Variants in PTPRC observed in about 807,000 individuals in gnomAD.
The protein encoded by PTPRC is receptor-type tyrosine-protein phosphatase C.
Under a neutral mutation model 155.9 loss-of-function variants are expected in PTPRC, and 44 were observed. The observed-to-expected ratio is 0.28, with a 90% CI of 0.22 to 0.36. The LOEUF (loss-of-function observed/expected upper bound fraction) is 0.36, where lower values mean the gene tolerates loss of function less well. Among genes scored for constraint, PTPRC ranks in the 10% least tolerant of loss-of-function variants. PTPRC has a pLI of 1.00. For missense variants in PTPRC, 1,401 were observed against 1,564.6 expected (o/e 0.90, Z 1.76); for synonymous variants, 525 against 533.1 (o/e 0.98, Z 0.21).
rs776554037 is a variant in PTPRC, at chr1:198,756,099, G to T, written c.3839G>T (p.Gly1280Val). 2 of 1,613,306 alleles carry T rather than the reference G, an allele frequency of 1.2e-6. No homozygotes were observed. The highest frequency in any genetic ancestry group is 1.3e-5 in the African/African-American group (1 of 74,862). Residue 1280 changes from glycine to valine, a missense_variant, in exon 33 of 33, where the codon GGT (glycine) becomes GTT (valine). By Grantham distance (109) the Gly-to-Val change is moderately radical. Transcript: ENST00000442510. ...KLPEAKEQAE[G>V]SEPTSGTEGP... Reference sequence around the variant, plus strand: ...CCTGAAGCAAAGGAACAGGCTGAAGGTTCTGAACCCACGAGTGGCACTGAG... The same window carrying T: ...CCTGAAGCAAAGGAACAGGCTGAAGTTTCTGAACCCACGAGTGGCACTGAG...
chr1:198,734,647 T>G (rs1020340397), intron 22 of PTPRC, among the ~76,000 whole-genome samples: 2 of 151,780 alleles, frequency 1.3e-5, no homozygotes, highest in Admixed American at 6.6e-5. Flanking sequence ...TGCTTCTGAT[T>G]AATTGCTAGA....
At chr1:198,694,103 GT>G in intron 3 of PTPRC, 1 of 1,547,132 alleles carries the variant, frequency 6.5e-7, no homozygotes, top group Non-Finnish European at 8.7e-7. Context: ...CCTTCAGTTG[GT>G]GGCCAAAGGC....
Position 198,752,371 on chromosome 1 carries a change from G to A in PTPRC, c.3330G>A (p.Lys1110=). ...GTGTCTTTGAACTGAGACATTCCAA[G>A]GTATGGAAACAATTTGGGGAGTATA... ...TLRVFELRHS[K]RKDSRTVYQY... is the part of the protein sequence containing the mutation. Residue 1110 remains lysine (K), a splice_region_variant and synonymous_variant, in exon 30 of 33, where the codon AAG becomes AAA. Transcript: ENST00000442510. 1 of 1,612,556 alleles carries A rather than the reference G, an allele frequency of 6.2e-7. No homozygotes were observed. The highest frequency in any genetic ancestry group is 8.5e-7 in the Non-Finnish European group (1 of 1,179,094).
chr1:198,754,707 G>A (rs192011600), intron 32 of PTPRC, among the ~76,000 whole-genome samples: 2 of 152,036 alleles, frequency 1.3e-5, no homozygotes, highest in East Asian at 1.9e-4. Context: ...CTCCTGTATC[G>A]ATTTGTGTTG....
chr1:198,718,184 C>T lies in PTPRC; in HGVS notation c.1541C>T (p.Pro514Leu), dbSNP rs1368901568. 1.9e-6 allele frequency: 3 copies of T among 1,613,552 alleles called. No individual in the cohort carries two copies. Among genetic ancestry groups the T allele is most frequent in the Admixed American group, 3.3e-5 (2 of 60,014 alleles). The change falls in exon 14 of 33, where the codon CCC becomes CTC. Residue 514 changes from proline to leucine, a missense_variant. Around this residue, in one of 3 missense-constraint regions of PTPRC, gnomAD observed 867 missense variants for 970.4 expected, o/e 0.89. Coordinates refer to ENST00000442510, the MANE Select transcript of PTPRC (RefSeq NM_002838.5). The stretch of plus-strand genomic sequence containing the variant: ...AGGCCTCCCAGGGACCGTAATGGCC[C>T]CCATGAACGTTACCATTTGGAAGTT... ...KCRPPRDRNG[P>L]HERYHLEVEA...
chr1:198,642,653 T>A (rs1021434536), intron 2 of PTPRC, among the ~76,000 whole-genome samples: 1 of 151,982 alleles, frequency 6.6e-6, no homozygotes, highest in Non-Finnish European at 1.5e-5. Context: ...TCCATTGCCA[T>A]CATCTTAATT....
At chr1:198,656,046 A>T (rs1312130383) in intron 2 of PTPRC, among the ~76,000 whole-genome samples, 5 of 152,114 alleles carry the variant, frequency 3.3e-5, no homozygotes, top group Admixed American at 6.6e-5. Context: ...CATAATTTTT[A>T]AAAAACTTAA....
At chr1:198,721,898 A>G (rs1653906281) in intron 14 of PTPRC, among the ~76,000 whole-genome samples, 1 of 151,220 alleles carries the variant, frequency 6.6e-6, no homozygotes, top group African/African-American at 2.4e-5. Flanking sequence ...TTTTCCCTGT[A>G]TATGTAAATT....
chr1:198,659,246 C>T (rs994755887), intron 2 of PTPRC, among the ~76,000 whole-genome samples: 1 of 152,100 alleles, frequency 6.6e-6, no homozygotes, highest in Non-Finnish European at 1.5e-5. Context: ...TTGTCTGTCA[C>T]CACTAGACAC....
chr1:198,729,242 T>TTTA, intron 17 of PTPRC, 71 bp downstream of exon 17: 1 of 1,410,714 alleles, frequency 7.1e-7, no homozygotes, highest in African/African-American at 1.5e-5. Context: ...TATTTATTTA[T>TTTA]TTATTTATAT....
chr1:198,755,850 T>TA (rs1310912748), intron 32 of PTPRC, 56 bp from the exon 33 acceptor site: 4 of 1,524,734 alleles, frequency 2.6e-6, no homozygotes, highest in Admixed American at 1.7e-5. Flanking sequence ...TCATCTGGCA[T>TA]AAAAATAATG....
At chr1:198,740,480 A>G (rs1402138485) in intron 23 of PTPRC, among the ~76,000 whole-genome samples, 2 of 151,764 alleles carry the variant, frequency 1.3e-5, no homozygotes, top group Non-Finnish European at 2.9e-5. Context: ...TACTTGGGAG[A>G]CTGAGGCAGT....
chr1:198,692,322 A>T lies in PTPRC; in HGVS notation c.74-25A>T, dbSNP rs759707392. 21 of 1,499,304 alleles carry T rather than the reference A, an allele frequency of 1.4e-5. 1 individual carries two copies. The Middle Eastern group carries it at 6.6e-4, about 47-fold the overall frequency. The allele number at this position is 1,499,304 out of a possible 1,614,324, so 92.9% of individuals were successfully genotyped here. A position where few individuals can be genotyped will look rare whatever the true frequency, so the allele number is the denominator to read the frequency against. ...TATGAATGAAATTTGAAATTTTCTA[A>T]GAGATTTTTGTTTCTTCTTTGCAGG... On this transcript the variant is annotated intron_variant, in intron 2 of 32. Coordinates refer to ENST00000442510, the MANE Select transcript of PTPRC (RefSeq NM_002838.5).
At chr1:198,678,543 A>G (rs1306846882) in intron 2 of PTPRC, among the ~76,000 whole-genome samples, 1 of 152,052 alleles carries the variant, frequency 6.6e-6, no homozygotes, top group Non-Finnish European at 1.5e-5. Flanking sequence ...CACTCTCCCT[A>G]ATGCTTTTTC....
intron 2 of PTPRC, among the ~76,000 whole-genome samples, chr1:198,675,773 G>A (rs1249656333): frequency 1.3e-5 from 2 of 152,110 alleles, no homozygotes; most frequent in African/African-American, 4.8e-5. Context: ...TAAAAGAAAG[G>A]CAAGCATCTT....
At chr1:198,700,263 G>A (rs1363498572) in intron 5 of PTPRC, 1 of 159,324 alleles carries the variant, frequency 6.3e-6, no homozygotes, top group East Asian at 1.8e-4. Flanking sequence ...TTCAAAATTA[G>A]TGTCCAAATC....
rs541481399 is a variant in PTPRC at position 198,697,652 on chromosome 1, G to A, written c.298+743G>A. ...GATTTACCATCAGTAGAGTGTTCAT[G>A]CTTTTCTGAAATAATGTGTTATGTT... On this transcript the variant is annotated intron_variant, in intron 4 of 32. Transcript: ENST00000442510. Among the ~76,000 whole-genome samples, 3 of 152,278 alleles carry A rather than the reference G, an allele frequency of 2.0e-5. No individual in the cohort carries two copies. In the East Asian group the frequency reaches 5.8e-4, roughly 29 times the overall value.
Position 198,732,360 on chromosome 1 carries a change from A to G in PTPRC, c.2035A>G (p.Asn679Asp). 2 of 1,612,514 alleles carry G rather than the reference A, an allele frequency of 1.2e-6. No homozygotes were observed. Among genetic ancestry groups the G allele is most frequent in the Non-Finnish European group, 8.5e-7 (1 of 1,179,002 alleles). Reference sequence around the variant, plus strand: ...GGAAGCTCGAAAGCCCTTTAACCAGAATAAAAACCGTTATGTTGACATTCT... The same window carrying G: ...GGAAGCTCGAAAGCCCTTTAACCAGGATAAAAACCGTTATGTTGACATTCT... ...IKEARKPFNQ[N>D]KNRYVDILPY... The change falls in exon 19 of 33, where the codon AAT becomes GAT. Residue 679 changes from asparagine to aspartate, a missense_variant. Asn to Asp is a conservative substitution (Grantham distance 23, BLOSUM62 1). Transcript: ENST00000442510.
chr1:198,754,325 C>A lies in PTPRC; in HGVS notation c.3566C>A (p.Ala1189Glu), dbSNP rs767698294. ...FCALLNLLES[A>E]ETEEVVDIFQ... Reference sequence around the variant, plus strand: ...GCTTTGTTAAATCTCTTAGAAAGTGCGGAAACAGAAGAGGTAGTGGATATT... The same window carrying A: ...GCTTTGTTAAATCTCTTAGAAAGTGAGGAAACAGAAGAGGTAGTGGATATT... The change falls in exon 32 of 33, where the codon GCG (alanine) becomes GAG (glutamate). Residue 1189 changes from alanine (A) to glutamate (E), a missense_variant. Ala to Glu is a moderately radical substitution (Grantham distance 107). Coordinates refer to ENST00000442510, the MANE Select transcript of PTPRC (RefSeq NM_002838.5). 3.7e-6 allele frequency: 6 copies of A among 1,611,798 alleles called. No homozygotes were observed. In the African/African-American group the frequency reaches 6.7e-5, roughly 18 times the overall value.
Sources: gnomAD v4.1 joint callset for allele counts (sites outside exome capture counted in the v4.1 genomes callset) on GRCh38, gnomAD v4.1.1 for gene constraint, gnomAD v4.1.1 regional missense constraint, MANE v1.5 for transcripts, NCBI Gene and HGNC (gene_info 2026-07-23, HGNC 2026-07-21) for gene names.